Variants in QRFPR observed in about 807,000 individuals in gnomAD.
QRFPR encodes the protein pyroglutamylated RFamide peptide receptor.
A neutral mutation model predicts 31.3 loss-of-function variants in QRFPR; 37 were observed. The observed-to-expected ratio is 1.18, with a 90% confidence interval of 0.91 to 1.56. The LOEUF (loss-of-function observed/expected upper bound fraction) is 1.56. Ranked by LOEUF, QRFPR falls within the 40% of genes most tolerant of loss-of-function variation. The probability of loss-of-function intolerance (pLI) is 0.00; values close to 1 mark genes in which losing one functional copy is unlikely to be tolerated. For missense variants in QRFPR, 542 were observed against 532.5 expected (o/e 1.02, Z -0.18); for synonymous variants, 197 against 192.0 (o/e 1.03, Z -0.22).
At chr4:121,368,605 C>A (rs1189408272) in intron 1 of QRFPR, among the ~76,000 whole-genome samples, 2 of 150,036 alleles carry the variant, frequency 1.3e-5, no homozygotes, top group Non-Finnish European at 3.0e-5. Flanking sequence ...AAACAGGGGT[C>A]CCTGCCAAGT....
intron 1 of QRFPR, among the ~76,000 whole-genome samples, chr4:121,378,226 C>T (rs780347864): frequency 1.6e-4 from 25 of 152,082 alleles, no homozygotes; most frequent in Non-Finnish European, 2.8e-4. Context: ...TATTACTCTC[C>T]TTCAGTATTT....
At chr4:121,352,755 A>T (rs1011440040) in intron 1 of QRFPR, among the ~76,000 whole-genome samples, 2 of 152,020 alleles carry the variant, frequency 1.3e-5, no homozygotes, top group African/African-American at 4.8e-5. Flanking sequence ...TCGTTATTTT[A>T]AAATATACAA....
chr4:121,342,755 G>A (rs368474960), intron 1 of QRFPR, among the ~76,000 whole-genome samples: 15 of 151,882 alleles, frequency 9.9e-5, no homozygotes, highest in African/African-American at 3.6e-4. Context: ...CAATACGTTA[G>A]GCCATTAATA....
chr4:121,329,505 T>C lies in QRFPR; in HGVS notation c.1105A>G (p.Met369Val), dbSNP rs763723931. ...GAAAACTTTGCTTTCTTCCGCATCA[T>C]TGTAATTCCTGAATTTCCATGCCTT... ...AQRHGNSGITMMRKKAKFSLR... is the reference protein window; with the variant it reads ...AQRHGNSGITVMRKKAKFSLR... Residue 369 changes from methionine (M) to valine (V), a missense_variant, in exon 6 of 6, where the codon ATG becomes GTG. By Grantham distance (21) the Met-to-Val change is conservative (BLOSUM62 1). Coordinates refer to ENST00000394427, the MANE Select transcript of QRFPR (RefSeq NM_198179.3). 7.4e-6 allele frequency: 12 copies of C among 1,614,044 alleles called. No individual in the cohort carries two copies. The East Asian group carries it at 2.0e-4, about 27-fold the overall frequency.
At chr4:121,335,492 T>C (rs1052760127) in intron 3 of QRFPR, among the ~76,000 whole-genome samples, 50 of 147,832 alleles carry the variant, frequency 3.4e-4, no homozygotes, top group African/African-American at 1.1e-3. Flanking sequence ...CTAGAGGGCA[T>C]TGATTCCAGT....
At chr4:121,336,968 T>C in intron 2 of QRFPR, 100 bp from the exon 3 acceptor site, 4 of 1,065,110 alleles carry the variant, frequency 3.8e-6, no homozygotes, top group Non-Finnish European at 5.9e-6. Flanking sequence ...AGGGCAGCTG[T>C]TCTCTGCCCT....
intron 1 of QRFPR, among the ~76,000 whole-genome samples, chr4:121,376,223 G>A (rs1212057481): frequency 2.0e-5 from 3 of 152,148 alleles, no homozygotes; most frequent in Admixed American, 6.5e-5. Flanking sequence ...GCAGAGAATC[G>A]CCACTTCTGC....
intron 1 of QRFPR, among the ~76,000 whole-genome samples, chr4:121,366,995 T>C (rs145952356): frequency 6.7e-6 from 1 of 150,188 alleles, no homozygotes; most frequent in Non-Finnish European, 1.5e-5. Context: ...CCTGACATCA[T>C]TGTTTCACGG....
intron 4 of QRFPR, among the ~76,000 whole-genome samples, chr4:121,331,174 GGTT>G (rs1382461774): frequency 1.6e-5 from 2 of 126,284 alleles, no homozygotes; most frequent in Admixed American, 9.1e-5. Flanking sequence ...ATATATCTTG[GGTT>G]TTTTTTTTTT....
intron 1 of QRFPR, among the ~76,000 whole-genome samples, chr4:121,348,085 A>G (rs375908090): frequency 1.1e-4 from 17 of 152,076 alleles, no homozygotes; most frequent in African/African-American, 3.6e-4. Flanking sequence ...TCACCACAGT[A>G]TAGTAGTTTA....
intron 1 of QRFPR, among the ~76,000 whole-genome samples, chr4:121,354,220 G>A (rs1413031947): frequency 2.0e-5 from 3 of 151,964 alleles, no homozygotes; most frequent in Admixed American, 6.6e-5. Context: ...ATGAATTTTA[G>A]GATTGTTTTT....
At chr4:121,331,725 T>A (rs1725330335) in intron 4 of QRFPR, among the ~76,000 whole-genome samples, 1 of 151,578 alleles carries the variant, frequency 6.6e-6, no homozygotes, top group African/African-American at 2.4e-5. Flanking sequence ...TGATCTCGGC[T>A]CACTGCAACC....
intron 1 of QRFPR, among the ~76,000 whole-genome samples, chr4:121,341,997 A>C (rs1171036871): frequency 6.6e-6 from 1 of 152,196 alleles, no homozygotes; most frequent in Non-Finnish European, 1.5e-5. Flanking sequence ...ATACCCAGAT[A>C]GCTAGCAAAA....
Position 121,329,001 on chromosome 4 carries a change from G to A in QRFPR, c.*313C>T, listed in dbSNP as rs185593423. On this transcript the variant is annotated 3_prime_UTR_variant, in exon 6 of 6. Transcript: ENST00000394427. ...GATCTCCTGACCTCGTGATCCGCCC[G>A]TCTAGGCCTCCCAAAGTGCTGGGAT... is the stretch of plus-strand genomic sequence containing the variant. The A allele has an allele frequency of 2.8e-3, 524 of 188,410 alleles. 2 individuals are homozygous for A. The highest frequency in any genetic ancestry group is 4.7e-3 in the Non-Finnish European group (429 of 92,256). The allele number at this position is 188,410 out of a possible 1,614,324, so 11.7% of individuals were successfully genotyped here.
At chr4:121,329,736 G>T (rs199885837) in intron 5 of QRFPR, 22 bp from the exon 6 acceptor site, 2 of 1,416,178 alleles carry the variant, frequency 1.4e-6, no homozygotes, top group Non-Finnish European at 1.9e-6. Flanking sequence ...TAATATTTTA[G>T]AATGTACGTT....
At chr4:121,352,003 TAA>T (rs1420884242) in intron 1 of QRFPR, among the ~76,000 whole-genome samples, 1 of 152,058 alleles carries the variant, frequency 6.6e-6, no homozygotes, top group Non-Finnish European at 1.5e-5. Flanking sequence ...AGACAAACAC[TAA>T]GAGGTTTCTA....
At chr4:121,348,580 G>A (rs1725701622) in intron 1 of QRFPR, among the ~76,000 whole-genome samples, 1 of 151,644 alleles carries the variant, frequency 6.6e-6, no homozygotes, top group South Asian at 2.1e-4. Context: ...CTCATTTCTT[G>A]TATTTTACCT....
Position 121,329,409 on chromosome 4 carries a change from A to T in QRFPR, c.1201T>A (p.Cys401Ser). Reference sequence around the variant, plus strand: ...TTTTTCTTCTCCTCTGTCTGTTCACACAATTTGACTTCAATGTTGCCATCA... The same window carrying T: ...TTTTTCTTCTCCTCTGTCTGTTCACTCAATTTGACTTCAATGTTGCCATCA... Reference protein sequence around the residue: ...FSDGNIEVKLCEQTEEKKKLK... With the variant: ...FSDGNIEVKLSEQTEEKKKLK... Residue 401 changes from cysteine to serine, a missense_variant, in exon 6 of 6, where the codon TGT becomes AGT. By Grantham distance (112) the Cys-to-Ser change is moderately radical. Coordinates refer to ENST00000394427, the MANE Select transcript of QRFPR (RefSeq NM_198179.3). 1.2e-6 allele frequency: 2 copies of T among 1,614,122 alleles called. No individual in the cohort carries two copies. Among genetic ancestry groups the T allele is most frequent in the Non-Finnish European group, 1.7e-6 (2 of 1,179,990 alleles).
intron 1 of QRFPR, among the ~76,000 whole-genome samples, chr4:121,341,935 A>C (rs11098614): frequency 0.77 from 117,579 of 152,102 alleles, 47,252 homozygotes; most frequent in East Asian, 0.99. Context: ...GAAGTCTGCT[A>C]AAATGTCACT....
Sources: gnomAD v4.1 joint callset for allele counts (sites outside exome capture counted in the v4.1 genomes callset) on GRCh38, gnomAD v4.1.1 for gene constraint, MANE v1.5 for transcripts, NCBI Gene and HGNC (gene_info 2026-07-23, HGNC 2026-07-21) for gene names.